The following PARP9 variants were observed in gnomAD, a reference collection of about 807,000 sequenced individuals.
The protein encoded by PARP9 is poly(ADP-ribose) polymerase family member 9, also known as protein mono-ADP-ribosyltransferase PARP9.
Under a neutral mutation model 68.8 loss-of-function variants are expected in PARP9, and 48 were observed. The observed-to-expected ratio is 0.70, with a 90% CI of 0.55 to 0.89. PARP9 has a LOEUF of 0.89. PARP9 is among the 40% of genes least tolerant of loss of function. The probability of loss-of-function intolerance (pLI) is 0.00; values close to 1 mark genes in which losing one functional copy is unlikely to be tolerated. For missense variants in PARP9, 806 were observed against 969.3 expected (o/e 0.83, Z 2.24); for synonymous variants, 309 against 333.8 (o/e 0.93, Z 0.81).
intron 5 of PARP9, 59 bp downstream of exon 5, chr3:122,552,357 TAA>T: frequency 9.6e-6 from 11 of 1,141,600 alleles, no homozygotes; most frequent in South Asian, 4.8e-5. Flanking sequence ...GAAATTTGTT[TAA>T]AAAAAAAAGA....
intron 7 of PARP9, among the ~76,000 whole-genome samples, chr3:122,542,806 G>A (rs1271432532): frequency 6.6e-6 from 1 of 152,018 alleles, no homozygotes; most frequent in Non-Finnish European, 1.5e-5. Flanking sequence ...TTTAGTATAT[G>A]TGTTGGCAAA....
chr3:122,540,777 A>C lies in PARP9; in HGVS notation c.1460T>G (p.Phe487Cys). 6.2e-7 allele frequency: 1 copy of C among 1,614,124 alleles called. No homozygotes were observed. The highest frequency in any genetic ancestry group is 1.1e-5 in the South Asian group (1 of 91,088). The change falls in exon 8 of 11, where the codon TTC (phenylalanine) becomes TGC (cysteine). Residue 487 changes from phenylalanine to cysteine, a missense_variant. Physicochemically the swap from Phe to Cys is radical, Grantham distance 205. Transcript: ENST00000682323. ...ARSPAINLMG[F>C]NVEEMYEAHA... is the part of the protein sequence containing the mutation. The stretch of plus-strand genomic sequence containing the variant: ...GGCCTCATACATCTCTTCCACGTTG[A>C]ATCCCATCAGATTGATGGCAGGAGA...
intron 1 of PARP9, among the ~76,000 whole-genome samples, chr3:122,560,382 GTTTT>G (rs1255516446): frequency 7.2e-6 from 1 of 138,538 alleles, no homozygotes; most frequent in Non-Finnish European, 1.5e-5. Context: ...TTCTTTGTTT[GTTTT>G]TTTGTTTGTT....
intron 10 of PARP9, among the ~76,000 whole-genome samples, chr3:122,530,421 A>G (rs975501241): frequency 4.6e-5 from 7 of 152,012 alleles, no homozygotes; most frequent in African/African-American, 1.7e-4. Context: ...TCCACCCATC[A>G]AGCACTCTGG....
At position 122,535,428 on chromosome 3, in the gene PARP9, T is replaced by C. The variant is rs909179880; in HGVS notation, c.2080+740A>G. On this transcript the variant is annotated intron_variant, in intron 10 of 10. Transcript: ENST00000682323. Reference sequence around the variant, plus strand: ...GGATCATGCTACATATGTTGAAAGATAAAGATCAAGAGCCACATATTTAAT... The same window carrying C: ...GGATCATGCTACATATGTTGAAAGACAAAGATCAAGAGCCACATATTTAAT... The C allele has an allele frequency of 6.1e-6, 6 of 985,270 alleles. No homozygotes were observed. The Admixed American group carries it at 3.1e-4, about 51-fold the overall frequency. The allele number at this position is 985,270 out of a possible 1,614,324, so 61.0% of individuals were successfully genotyped here.
rs1010825007 is a variant in PARP9 at position 122,547,036 on chromosome 3, A to G, written c.1327-1547T>C. 7.7e-5 allele frequency among the ~76,000 whole-genome samples: 11 copies of G among 143,226 alleles called. 1 individual carries two copies. Among genetic ancestry groups the G allele is most frequent in the Non-Finnish European group, 1.7e-4 (11 of 65,438 alleles). The allele number at this position is 143,226 out of a possible 152,430, so 94.0% of individuals were successfully genotyped here. On this transcript the variant is annotated intron_variant, in intron 6 of 10. Transcript: ENST00000682323. ...TATACACACACACACATACACACAC[A>G]TATACATACACACATATATATACAC...
At chr3:122,542,605 G>C (rs190771816) in intron 7 of PARP9, among the ~76,000 whole-genome samples, 118 of 151,628 alleles carry the variant, frequency 7.8e-4, no homozygotes, top group African/African-American at 2.6e-3. Context: ...GCAGCCTCCC[G>C]AGTAGCTGGG....
intron 10 of PARP9, among the ~76,000 whole-genome samples, chr3:122,529,233 T>TA (rs1559792207): frequency 5.4e-5 from 4 of 74,472 alleles, no homozygotes; most frequent in East Asian, 6.1e-4. Flanking sequence ...AGCGAAACTC[T>TA]TAAAAAAAAA....
intron 6 of PARP9, 97 bp downstream of exon 6, chr3:122,550,487 G>T: frequency 2.0e-6 from 2 of 1,012,178 alleles, no homozygotes; most frequent in Non-Finnish European, 2.9e-6. Flanking sequence ...ACCTAGCCCT[G>T]CATCCCCTGC....
At position 122,552,990 on chromosome 3, in the gene PARP9, G is replaced by A. The variant is rs1440083143; in HGVS notation, c.886-351C>T. 2.0e-5 allele frequency among the ~76,000 whole-genome samples: 3 copies of A among 152,046 alleles called. 1 individual carries two copies. Among genetic ancestry groups the A allele is most frequent in the South Asian group, 4.2e-4 (2 of 4,792 alleles). Reference sequence around the variant, plus strand: ...TCGATAAATGGTTTCATCTCTGCCCGACCACCATGACTTTTTGCTATTTCG... The same window carrying A: ...TCGATAAATGGTTTCATCTCTGCCCAACCACCATGACTTTTTGCTATTTCG... On this transcript the variant is annotated intron_variant, in intron 4 of 10. Coordinates refer to ENST00000682323, the MANE Select transcript of PARP9 (RefSeq NM_001146105.2).
intron 1 of PARP9, among the ~76,000 whole-genome samples, chr3:122,562,684 T>C (rs1343941755): frequency 6.6e-6 from 1 of 152,186 alleles, no homozygotes; most frequent in Non-Finnish European, 1.5e-5. Context: ...ACACGAAAGG[T>C]AGTAGCTTAT....
chr3:122,552,776 G>A (rs1218254616), intron 4 of PARP9, 137 bp from the exon 5 acceptor site: 1 of 630,206 alleles, frequency 1.6e-6, no homozygotes, highest in South Asian at 2.1e-5. Context: ...CATTAATAAT[G>A]AATAGAAACT....
chr3:122,545,059 A>C (rs974624370), intron 7 of PARP9, among the ~76,000 whole-genome samples: 2 of 152,016 alleles, frequency 1.3e-5, no homozygotes, highest in African/African-American at 4.8e-5. Flanking sequence ...GGCATTACTG[A>C]GATGTGTTTT....
chr3:122,550,874 C>T, intron 5 of PARP9, 72 bp from the exon 6 acceptor site: 2 of 1,348,010 alleles, frequency 1.5e-6, no homozygotes, highest in Non-Finnish European at 2.1e-6. Context: ...TTGATCCTGC[C>T]CATATTTTAC....
In PARP9 at chr3:122,528,172, C is replaced by T. The variant is rs1487862600; in HGVS notation, c.*192G>A. ...AAGTGTTTCATTTGGTATCTACCTA[C>T]CCCAACCCCAAGACATAAAGACAGA... On this transcript the variant is annotated 3_prime_UTR_variant, in exon 11 of 11. Transcript: ENST00000682323. The T allele has an allele frequency of 4.9e-6, 3 of 613,894 alleles. No homozygotes were observed. Among genetic ancestry groups the T allele is most frequent in the Non-Finnish European group, 5.3e-6 (2 of 380,012 alleles). 38.0% of individuals were successfully genotyped at this position (613,894 alleles called of 1,614,324 possible).
At chr3:122,539,306 C>T (rs752242147) in intron 8 of PARP9, among the ~76,000 whole-genome samples, 2 of 152,186 alleles carry the variant, frequency 1.3e-5, no homozygotes, top group African/African-American at 4.8e-5. Flanking sequence ...GCAGTGCTCC[C>T]AGAGCACTTT....
chr3:122,536,930 A>G lies in PARP9; in HGVS notation c.1905+4T>C, dbSNP rs1169917904. 6.2e-7 allele frequency: 1 copy of G among 1,604,766 alleles called. No homozygotes were observed. Among genetic ancestry groups the G allele is most frequent in the Non-Finnish European group, 8.5e-7 (1 of 1,177,832 alleles). On this transcript the variant is annotated splice_donor_region_variant and intron_variant, in intron 9 of 10. Coordinates refer to ENST00000682323, the MANE Select transcript of PARP9 (RefSeq NM_001146105.2). ...AGCCAAATCTTCCCCTTTGTTAGGT[A>G]TACCTTTAGAACCTGCAAACCACAT...
At chr3:122,559,539 C>T in intron 2 of PARP9, 67 bp downstream of exon 2, 1 of 1,467,756 alleles carries the variant, frequency 6.8e-7, no homozygotes, top group Non-Finnish European at 9.1e-7. Context: ...AGATTTCTTG[C>T]TGTTATATAA....
At chr3:122,551,838 G>C (rs1284517435) in intron 5 of PARP9, among the ~76,000 whole-genome samples, 3 of 152,256 alleles carry the variant, frequency 2.0e-5, no homozygotes, top group Non-Finnish European at 2.9e-5. Context: ...TGTTCAGACT[G>C]AGGGAATACT....
Sources: allele counts gnomAD v4.1 joint callset (sites outside exome capture counted in the v4.1 genomes callset), GRCh38; gene constraint gnomAD v4.1.1; transcripts MANE v1.5; gene names NCBI Gene and HGNC (gene_info 2026-07-23, HGNC 2026-07-21).